Variants in SORBS2 observed in about 807,000 individuals in gnomAD.
SORBS2 encodes the protein sorbin and SH3 domain-containing protein 2.
In SORBS2, 46 loss-of-function variants were observed where a neutral mutation model predicts 97.7. The ratio of observed to expected loss-of-function variants is 0.47; its 90% CI spans 0.37 to 0.60. The LOEUF is 0.60. Ranked by LOEUF, SORBS2 falls within the 20% of genes least tolerant of loss-of-function variation. SORBS2 has a pLI of 0.00. For synonymous variants in SORBS2, 476 were observed against 473.4 expected (o/e 1.01, Z -0.07); for missense variants, 1,316 against 1,282.3 (o/e 1.03, Z -0.40).
chr4:185,949,942 T>C (rs1246959182), intron 1 of SORBS2, among the ~76,000 whole-genome samples: 1 of 152,034 alleles, frequency 6.6e-6, no homozygotes, highest in Non-Finnish European at 1.5e-5. Flanking sequence ...TTGCTACAAC[T>C]GGTAACTGAT....
At position 185,921,731 on chromosome 4, in the gene SORBS2, C is replaced by G. The variant is rs535795483; in HGVS notation, c.-338+34465G>C. ...ATACAGCCCTATCAGCCGACCACAA[C>G]GCTGGTTTGCTATTTTTAGCCAGTT... On this transcript the variant is annotated intron_variant, in intron 1 of 20. Coordinates refer to the SORBS2 transcript ENST00000284776. Among the ~76,000 whole-genome samples, 27 of 152,346 alleles carry G rather than the reference C, an allele frequency of 1.8e-4. 1 individual carries two copies. The highest frequency in any genetic ancestry group is 1.0e-3 in the South Asian group (5 of 4,826).
At chr4:185,666,039 C>T (rs1044798485) in intron 4 of SORBS2, 14 of 1,289,468 alleles carry the variant, frequency 1.1e-5, no homozygotes, top group Middle Eastern at 2.1e-4. Context: ...CATCGGGGGG[C>T]GGAAGGCTGA....
At chr4:185,951,816 C>A (rs2099277348) in intron 1 of SORBS2, among the ~76,000 whole-genome samples, 1 of 152,214 alleles carries the variant, frequency 6.6e-6, no homozygotes, top group Admixed American at 6.5e-5. Flanking sequence ...CATCAGTGAG[C>A]TTCTTGGGAA....
intron 1 of SORBS2, among the ~76,000 whole-genome samples, chr4:185,906,516 T>G (rs2099250929): frequency 6.6e-6 from 1 of 152,208 alleles, no homozygotes; most frequent in Non-Finnish European, 1.5e-5. Context: ...TTTAAAATCA[T>G]TTTTAGCAGG....
At chr4:185,800,367 G>A (rs139090620) in intron 1 of SORBS2, among the ~76,000 whole-genome samples, 97 of 152,302 alleles carry the variant, frequency 6.4e-4, no homozygotes, top group South Asian at 3.1e-3. Context: ...CAGACCCAGC[G>A]TATGAAGGAG....
intron 4 of SORBS2, among the ~76,000 whole-genome samples, chr4:185,636,264 G>C (rs1397075218): frequency 6.6e-6 from 1 of 152,144 alleles, no homozygotes; most frequent in African/African-American, 2.4e-5. Context: ...AGATACAAAT[G>C]AGAAAAAATG....
chr4:185,646,635 G>A (rs753453423), intron 4 of SORBS2, 33 bp downstream of exon 13: 2 of 1,358,094 alleles, frequency 1.5e-6, no homozygotes, highest in Admixed American at 1.7e-5. Flanking sequence ...AGCCCAGCGA[G>A]CTGGCATATT....
At chr4:185,792,985 G>A (rs767978485) in intron 1 of SORBS2, among the ~76,000 whole-genome samples, 13 of 152,180 alleles carry the variant, frequency 8.5e-5, no homozygotes, top group African/African-American at 1.9e-4. Flanking sequence ...TCATCAGAGC[G>A]TTTGTGTGAA....
chr4:185,808,164 C>T (rs1457695188), intron 1 of SORBS2, among the ~76,000 whole-genome samples: 2 of 152,082 alleles, frequency 1.3e-5, no homozygotes, highest in South Asian at 2.1e-4. Context: ...TAAAGGACAG[C>T]ATGATAATTA....
At chr4:185,803,658 AT>A (rs1458300801) in intron 1 of SORBS2, among the ~76,000 whole-genome samples, 2 of 152,214 alleles carry the variant, frequency 1.3e-5, no homozygotes, top group African/African-American at 4.8e-5. Context: ...TAGAAGGAAG[AT>A]TTTTTTAATT....
intron 12 of SORBS2, among the ~76,000 whole-genome samples, chr4:185,598,883 TA>T (rs35153444): frequency 0.068 from 9,929 of 146,720 alleles, 521 homozygotes; most frequent in African/African-American, 0.15. Context: ...AGGCAAAAAA[TA>T]AAAAAAAAAC....
At chr4:185,679,612 T>A (rs147132930) in intron 2 of SORBS2, among the ~76,000 whole-genome samples, 52 of 152,348 alleles carry the variant, frequency 3.4e-4, no homozygotes, top group African/African-American at 1.1e-3. Flanking sequence ...TTGTGTTGCC[T>A]GGTTTATTAA....
intron 4 of SORBS2, 34 bp downstream of exon 16, chr4:185,635,321 G>T (rs757582939): frequency 6.8e-6 from 10 of 1,465,172 alleles, no homozygotes; most frequent in Non-Finnish European, 9.6e-6. Flanking sequence ...CTCTAAGGGA[G>T]ATATCTGAAA....
chr4:185,729,205 C>T (rs1287770640), intron 2 of SORBS2, among the ~76,000 whole-genome samples: 1 of 152,134 alleles, frequency 6.6e-6, no homozygotes, highest in East Asian at 1.9e-4. Flanking sequence ...GTATAAGTTC[C>T]ACTGGTATTC....
chr4:185,776,195 G>C (rs140091014), intron 1 of SORBS2, among the ~76,000 whole-genome samples: 12 of 152,376 alleles, frequency 7.9e-5, no homozygotes, highest in Admixed American at 2.6e-4. Context: ...GTGGTGGGCA[G>C]AATGAAGTGT....
At chr4:185,930,286 T>G (rs558321100) in intron 1 of SORBS2, among the ~76,000 whole-genome samples, 1 of 151,894 alleles carries the variant, frequency 6.6e-6, no homozygotes, top group Non-Finnish European at 1.5e-5. Context: ...GATAGAGGTT[T>G]TTTTGTTTTG....
At chr4:185,950,024 C>T (rs60472402) in intron 1 of SORBS2, among the ~76,000 whole-genome samples, 2,416 of 152,218 alleles carry the variant, frequency 0.016, 62 homozygotes, top group African/African-American at 0.056. Flanking sequence ...GAGGCCAAGG[C>T]GGGCGGATCA....
intron 1 of SORBS2, among the ~76,000 whole-genome samples, chr4:185,820,610 C>T (rs1318875192): frequency 1.3e-5 from 2 of 152,194 alleles, no homozygotes; most frequent in African/African-American, 2.4e-5. Flanking sequence ...CGTGCGCGGA[C>T]ACCTTGCCTG....
intron 2 of SORBS2, among the ~76,000 whole-genome samples, chr4:185,720,110 C>G (rs1159409142): frequency 6.6e-6 from 1 of 152,134 alleles, no homozygotes; most frequent in African/African-American, 2.4e-5. Context: ...CAAGGGAAGC[C>G]ATGTTTAGCG....
Sources: allele counts gnomAD v4.1 joint callset (sites outside exome capture counted in the v4.1 genomes callset), GRCh38; gene constraint gnomAD v4.1.1; transcripts MANE v1.5; gene names NCBI Gene and HGNC (gene_info 2026-07-23, HGNC 2026-07-21).